The following STXBP5L variants were observed in gnomAD, a reference collection of about 807,000 sequenced individuals.
The protein encoded by STXBP5L is syntaxin binding protein 5L.
STXBP5L carries 65 observed loss-of-function variants against 144.5 expected under a neutral mutation model. The ratio of observed to expected loss-of-function variants is 0.45; its 90% confidence interval spans 0.37 to 0.55. The LOEUF (loss-of-function observed/expected upper bound fraction) is 0.55, where lower values mean the gene tolerates loss of function less well. STXBP5L is among the 20% of genes least tolerant of loss of function. The pLI is 0.00. For missense variants in STXBP5L, 1,298 were observed against 1,405.5 expected (o/e 0.92, Z 1.22); for synonymous variants, 505 against 469.6 (o/e 1.08, Z -0.97).
chr3:121,144,039 G>A (rs554074488), intron 7 of STXBP5L, among the ~76,000 whole-genome samples: 4 of 151,260 alleles, frequency 2.6e-5, no homozygotes, highest in South Asian at 4.2e-4. Flanking sequence ...AATCAGCAGC[G>A]TGAAAACACA....
At chr3:121,329,319 A>G (rs1452374339) in intron 20 of STXBP5L, among the ~76,000 whole-genome samples, 2 of 152,178 alleles carry the variant, frequency 1.3e-5, no homozygotes, top group African/African-American at 4.8e-5. Context: ...CTGCTGACCT[A>G]AGGATACCTG....
intron 3 of STXBP5L, among the ~76,000 whole-genome samples, chr3:120,991,052 A>C (rs1236085837): frequency 3.3e-5 from 5 of 151,968 alleles, no homozygotes; most frequent in Non-Finnish European, 5.9e-5. Flanking sequence ...CAACCTACAG[A>C]ATGGGAGAAA....
chr3:121,289,484 G>A (rs1047624706), intron 19 of STXBP5L, among the ~76,000 whole-genome samples: 1 of 152,140 alleles, frequency 6.6e-6, no homozygotes, highest in Non-Finnish European at 1.5e-5. Context: ...GACAGCACTA[G>A]ACAGGTCATT....
At chr3:121,149,363 C>T (rs988840157) in intron 7 of STXBP5L, among the ~76,000 whole-genome samples, 2 of 151,896 alleles carry the variant, frequency 1.3e-5, no homozygotes, top group African/African-American at 4.8e-5. Context: ...CCTCCCTCCC[C>T]AGAATTCAGG....
At chr3:121,310,078 G>C (rs1324345422) in intron 19 of STXBP5L, among the ~76,000 whole-genome samples, 1 of 152,128 alleles carries the variant, frequency 6.6e-6, no homozygotes, top group Admixed American at 6.5e-5. Flanking sequence ...AATGAAGAAA[G>C]TCTTTTTAAC....
intron 5 of STXBP5L, among the ~76,000 whole-genome samples, chr3:121,063,541 A>G (rs999167165): frequency 6.6e-6 from 1 of 152,068 alleles, no homozygotes; most frequent in Non-Finnish European, 1.5e-5. Flanking sequence ...GGAGATCTCT[A>G]TTCAGAACTA....
At chr3:121,352,714 T>A (rs2045341189) in intron 20 of STXBP5L, among the ~76,000 whole-genome samples, 1 of 151,928 alleles carries the variant, frequency 6.6e-6, no homozygotes, top group African/African-American at 2.4e-5. Context: ...ACTTCCAACA[T>A]TATGTTAAAT....
intron 5 of STXBP5L, among the ~76,000 whole-genome samples, chr3:121,107,677 AT>A (rs1348967610): frequency 6.6e-6 from 1 of 151,778 alleles, no homozygotes; most frequent in Non-Finnish European, 1.5e-5. Context: ...TTTGCTTAGA[AT>A]TTTCTTGGTT....
At chr3:121,109,132 C>T (rs553038776) in intron 5 of STXBP5L, among the ~76,000 whole-genome samples, 4 of 151,752 alleles carry the variant, frequency 2.6e-5, no homozygotes, top group Admixed American at 6.6e-5. Flanking sequence ...TTGATTCTTC[C>T]GTCTTTATTA....
chr3:121,115,192 A>T, intron 6 of STXBP5L, 133 bp downstream of exon 6: 1 of 895,708 alleles, frequency 1.1e-6, no homozygotes, highest in Non-Finnish European at 1.6e-6. Context: ...GTTCAGTAAA[A>T]TAACTTAAAG....
At chr3:121,043,534 C>A (rs1947302139) in intron 4 of STXBP5L, among the ~76,000 whole-genome samples, 1 of 152,106 alleles carries the variant, frequency 6.6e-6, no homozygotes, top group Admixed American at 6.6e-5. Flanking sequence ...CATGGTGAAA[C>A]CCCGTCTCTA....
chr3:121,050,304 C>T (rs2107585678), intron 5 of STXBP5L, among the ~76,000 whole-genome samples: 1 of 152,162 alleles, frequency 6.6e-6, no homozygotes, highest in Non-Finnish European at 1.5e-5. Flanking sequence ...CTAGATAGGA[C>T]TTATTTCTTT....
chr3:120,984,798 G>A (rs543355707), intron 3 of STXBP5L, among the ~76,000 whole-genome samples: 1 of 151,774 alleles, frequency 6.6e-6, no homozygotes, highest in Non-Finnish European at 1.5e-5. Context: ...TATGCTGTGG[G>A]TTATTCACAT....
intron 7 of STXBP5L, 142 bp from the exon 8 acceptor site, chr3:121,152,335 A>T: frequency 1.7e-6 from 1 of 577,432 alleles, no homozygotes; most frequent in Non-Finnish European, 2.9e-6. Flanking sequence ...AATGTAGAAA[A>T]CCTATATTCA....
intron 2 of STXBP5L, among the ~76,000 whole-genome samples, chr3:120,952,557 C>A (rs963159508): frequency 6.6e-6 from 1 of 151,672 alleles, no homozygotes; most frequent in Non-Finnish European, 1.5e-5. Flanking sequence ...TTTATTATAG[C>A]CTAATGGTAA....
intron 19 of STXBP5L, among the ~76,000 whole-genome samples, chr3:121,283,393 A>G (rs374465899): frequency 2.4e-4 from 37 of 151,870 alleles, no homozygotes; most frequent in African/African-American, 8.9e-4. Context: ...CTAGTTTTCT[A>G]CTCTAGCAGA....
intron 5 of STXBP5L, among the ~76,000 whole-genome samples, chr3:121,054,562 G>C (rs952343530): frequency 7.3e-6 from 1 of 136,992 alleles, no homozygotes; most frequent in Non-Finnish European, 1.5e-5. Context: ...ACACAGGAAG[G>C]GGAACATCAC....
At chr3:121,039,498 A>G (rs753331837) in intron 3 of STXBP5L, among the ~76,000 whole-genome samples, 7 of 151,790 alleles carry the variant, frequency 4.6e-5, no homozygotes, top group Non-Finnish European at 8.8e-5. Context: ...GATAACTTGT[A>G]TTTTATATTT....
At chr3:121,006,990 C>G (rs10934538) in intron 3 of STXBP5L, among the ~76,000 whole-genome samples, 5 of 151,974 alleles carry the variant, frequency 3.3e-5, no homozygotes, top group African/African-American at 4.8e-5. Context: ...ACATTTTTTC[C>G]TTCATTTCAA....
Sources: allele counts gnomAD v4.1 joint callset (sites outside exome capture counted in the v4.1 genomes callset), GRCh38; gene constraint gnomAD v4.1.1; transcripts MANE v1.5; gene names NCBI Gene and HGNC (gene_info 2026-07-23, HGNC 2026-07-21).